The following C6orf132 variants were observed in gnomAD, a reference collection of about 807,000 sequenced individuals.
C6orf132 encodes the protein uncharacterized protein C6orf132.
Under a neutral mutation model 65.3 loss-of-function variants are expected in C6orf132, and 43 were observed. The observed-to-expected ratio is 0.66, with a 90% CI of 0.52 to 0.85. The LOEUF (loss-of-function observed/expected upper bound fraction) is 0.85. C6orf132 is among the 40% of genes least tolerant of loss of function. C6orf132 has a pLI of 0.00. For missense variants in C6orf132, 1,488 were observed against 1,548.8 expected, an observed-to-expected ratio of 0.96 and a Z score of 0.66; for synonymous variants, 631 against 654.1, an observed-to-expected ratio of 0.96 and a Z score of 0.54.
At position 42,104,227 on chromosome 6, in the gene C6orf132, CA is replaced by C. The variant is rs111822414; in HGVS notation, c.3449+235del. Among the ~76,000 whole-genome samples the C allele has an allele frequency of 9.8e-5, 15 of 152,320 alleles. No individual in the cohort carries two copies. Among genetic ancestry groups the C allele is most frequent in the African/African-American group, 3.4e-4 (14 of 41,568 alleles). On this transcript the variant is annotated intron_variant, in intron 4 of 4. Transcript: ENST00000341865. The surrounding 1 kb of genome is among the most constrained non-coding windows in gnomAD (Gnocchi z 4.1). Reference sequence around the variant, plus strand: ...AGCCTGACCTCTGGGATCTAGCGGGCAGGAGAGAGACAGACGAGAGGAGCTG... The same window carrying C: ...AGCCTGACCTCTGGGATCTAGCGGGCGGAGAGAGACAGACGAGAGGAGCTG...
At chr6:42,130,068 G>A (rs1204758194) in intron 1 of C6orf132, among the ~76,000 whole-genome samples, 13 of 152,156 alleles carry the variant, frequency 8.5e-5, no homozygotes, top group Non-Finnish European at 1.3e-4. Flanking sequence ...TCCTGGGAGC[G>A]CCCCAGCAGC....
At chr6:42,135,239 T>TAGCC (rs1766920871) in intron 1 of C6orf132, among the ~76,000 whole-genome samples, 2 of 152,210 alleles carry the variant, frequency 1.3e-5, no homozygotes, top group Admixed American at 6.5e-5. Context: ...TGGGGCTGAA[T>TAGCC]AGCCCTCTTT....
intron 1 of C6orf132, among the ~76,000 whole-genome samples, chr6:42,140,153 A>G (rs1446658186): frequency 6.6e-6 from 1 of 152,286 alleles, no homozygotes; most frequent in African/African-American, 2.4e-5. Flanking sequence ...AGGCAAGACC[A>G]AGCTGAGTCA....
At chr6:42,111,654 G>A (rs1766497183) in intron 2 of C6orf132, among the ~76,000 whole-genome samples, 1 of 151,906 alleles carries the variant, frequency 6.6e-6, no homozygotes, top group Non-Finnish European at 1.5e-5. Context: ...TGAACTCCTG[G>A]GCTCAAGTAA....
At chr6:42,123,136 C>T (rs1766712945) in intron 2 of C6orf132, among the ~76,000 whole-genome samples, 1 of 151,960 alleles carries the variant, frequency 6.6e-6, no homozygotes, top group African/African-American at 2.4e-5. Flanking sequence ...AATCCCAGAA[C>T]TTTGGCAGGC....
chr6:42,105,994 CTGGTCCCAACATAGCCT>C lies in C6orf132; in HGVS notation c.1901_1917del (p.Lys634SerfsTer9). On this transcript the variant is annotated frameshift_variant, in exon 4 of 5. Coordinates refer to ENST00000341865, the MANE Select transcript of C6orf132 (RefSeq NM_001164446.3). LOFTEE classifies it high-confidence loss of function. ...TCAGGTGTGGCCTTGGGTGGTATGG[CTGGTCCCAACATAGCCT>C]TGGGCTGGAGTGATGTAGTTGGCAG... is the stretch of plus-strand genomic sequence containing the variant. 6.5e-7 allele frequency: 1 copy of C among 1,537,126 alleles called. No homozygotes were observed. Among genetic ancestry groups the C allele is most frequent in the Non-Finnish European group, 8.7e-7 (1 of 1,146,884 alleles).
At chr6:42,115,934 CTTTTTTT>C (rs67542628) in intron 2 of C6orf132, among the ~76,000 whole-genome samples, 13 of 106,388 alleles carry the variant, frequency 1.2e-4, no homozygotes, top group African/African-American at 4.6e-4. Flanking sequence ...TTTTCTTTTT[CTTTTTTT>C]TTTTTTTTGA....
rs1313992806 is a variant in C6orf132, at chr6:42,103,824, C to A, written c.3504G>T (p.Arg1168Ser). 6.0e-6 allele frequency: 9 copies of A among 1,491,744 alleles called. No homozygotes were observed. The East Asian group carries it at 2.2e-4, about 36-fold the overall frequency. The allele number at this position is 1,491,744 out of a possible 1,614,324, so 92.4% of individuals were successfully genotyped here. ...YGSPINTFTV[R>S]PGTRHPISYV... ...AGGAGATGGGATGGCGGGTCCCAGG[C>A]CTCACGGTGAACGTGTTGATGGGGC... Residue 1168 changes from arginine (R) to serine (S), a missense_variant, in exon 5 of 5, where the codon AGG becomes AGT. By Grantham distance (110) the Arg-to-Ser change is moderately radical. Coordinates refer to ENST00000341865, the MANE Select transcript of C6orf132 (RefSeq NM_001164446.3).
At chr6:42,109,936 C>A (rs564509483) in intron 3 of C6orf132, among the ~76,000 whole-genome samples, 1 of 152,126 alleles carries the variant, frequency 6.6e-6, no homozygotes, top group African/African-American at 2.4e-5. Flanking sequence ...GCCCTTCTTC[C>A]ACTTTATGCT....
chr6:42,131,980 C>T (rs922972913), intron 1 of C6orf132, among the ~76,000 whole-genome samples: 7 of 152,054 alleles, frequency 4.6e-5, no homozygotes, highest in Non-Finnish European at 1.0e-4. Flanking sequence ...AAACGTGATA[C>T]GGGAGCAGAG....
In C6orf132 at chr6:42,120,688, C is replaced by T. The variant is rs1360711839; in HGVS notation, c.252+7984G>A. Among the ~76,000 whole-genome samples the T allele has an allele frequency of 3.3e-5, 5 of 152,186 alleles. 1 individual carries two copies. ...TGTCACCCAGGCTGGAGTGCACGAT[C>T]TTGGCTCACTGCAACCTCCACCTCC... On this transcript the variant is annotated intron_variant, in intron 2 of 4. Transcript: ENST00000341865.
intron 2 of C6orf132, 144 bp downstream of exon 2, chr6:42,128,528 T>C: frequency 1.6e-6 from 1 of 633,656 alleles, no homozygotes; most frequent in East Asian, 2.8e-5. Context: ...CCATGCCTCC[T>C]TCCAGTAGCC....
At chr6:42,109,019 T>C (rs1456621039) in intron 3 of C6orf132, among the ~76,000 whole-genome samples, 1 of 152,156 alleles carries the variant, frequency 6.6e-6, no homozygotes. Flanking sequence ...CTGGTCCTCC[T>C]AGGGAGCTTA....
intron 2 of C6orf132, among the ~76,000 whole-genome samples, chr6:42,118,786 A>T (rs1302114036): frequency 2.0e-5 from 3 of 151,868 alleles, no homozygotes; most frequent in Admixed American, 1.3e-4. Flanking sequence ...GACAACACCC[A>T]GAAGCTAAGA....
intron 2 of C6orf132, among the ~76,000 whole-genome samples, chr6:42,125,049 C>T (rs1020662831): frequency 6.6e-6 from 1 of 152,098 alleles, no homozygotes; most frequent in African/African-American, 2.4e-5. Context: ...CTCATCATGG[C>T]GTCAAAAGCA....
At chr6:42,122,708 T>A (rs1352076180) in intron 2 of C6orf132, among the ~76,000 whole-genome samples, 1 of 151,894 alleles carries the variant, frequency 6.6e-6, no homozygotes, top group African/African-American at 2.4e-5. Context: ...AGGCCTTGAG[T>A]TTAGAGAAAA....
rs1366774395 is a variant in C6orf132 at position 42,105,253 on chromosome 6, C to T, written c.2659G>A (p.Gly887Ser). 2 of 1,537,200 alleles carry T rather than the reference C, an allele frequency of 1.3e-6. No homozygotes were observed. Residue 887 changes from glycine to serine, a missense_variant, in exon 4 of 5, where the codon GGC (glycine) becomes AGC (serine). Coordinates refer to ENST00000341865, the MANE Select transcript of C6orf132 (RefSeq NM_001164446.3). ...ASSDSIFHSQ[G>S]TPNSFTVVPK... ...ACCACAGTGAAGGAGTTGGGCGTGC[C>T]CTGGCTGTGGAAGATGCTGTCAGAG...
chr6:42,107,696 AT>A, intron 3 of C6orf132, 113 bp from the exon 4 acceptor site: 1 of 1,286,804 alleles, frequency 7.8e-7, no homozygotes, highest in Non-Finnish European at 1.1e-6. Flanking sequence ...TGACTGGATC[AT>A]TTTCTCCTGA....
At position 42,132,865 on chromosome 6, in the gene C6orf132, AAAAGAAAAG is replaced by A. The variant is rs760577307; in HGVS notation, c.146-4096_146-4088del. Reference sequence around the variant, plus strand: ...GAGTGAGACTCTGTCTCAAAAAAAAAAAAGAAAAGAAAAGAAAAGAAAAGAAAAGGAGGT... The same window carrying A: ...GAGTGAGACTCTGTCTCAAAAAAAAAAAAAGAAAAGAAAAGAAAAGGAGGT... On this transcript the variant is annotated intron_variant, in intron 1 of 4. Transcript: ENST00000341865. Among the ~76,000 whole-genome samples the A allele has an allele frequency of 7.2e-4, 100 of 138,248 alleles. 2 individuals are homozygous for A. In the East Asian group the frequency reaches 0.013, roughly 18 times the overall value. The allele number at this position is 138,248 out of a possible 152,430, so 90.7% of individuals were successfully genotyped here.
Sources: gnomAD v4.1 joint callset for allele counts (sites outside exome capture counted in the v4.1 genomes callset) on GRCh38, gnomAD v4.1.1 for gene constraint, Gnocchi (gnomAD v3.1) non-coding constraint, MANE v1.5 for transcripts, NCBI Gene and HGNC (gene_info 2026-07-23, HGNC 2026-07-21) for gene names.